Variants in PAIP2 observed in about 807,000 individuals in gnomAD.
The protein encoded by PAIP2 is polyadenylate-binding protein-interacting protein 2.
Under a neutral mutation model 14.8 loss-of-function variants are expected in PAIP2, and 7 were observed. The observed-to-expected ratio is 0.47, with a 90% confidence interval of 0.27 to 0.89. PAIP2 has a LOEUF of 0.89. Ranked by LOEUF, PAIP2 falls within the 40% of genes least tolerant of loss-of-function variation. The pLI, the probability that PAIP2 is intolerant of heterozygous loss-of-function variation, is 0.13. For synonymous variants in PAIP2, 47 were observed against 45.3 expected (o/e 1.04, Z -0.15); for missense variants, 122 against 154.7 (o/e 0.79, Z 1.12).
At chr5:139,346,906 T>C (rs1372483861) in intron 1 of PAIP2, among the ~76,000 whole-genome samples, 2 of 152,044 alleles carry the variant, frequency 1.3e-5, no homozygotes, top group Non-Finnish European at 2.9e-5. Context: ...GCCTCCCAGG[T>C]TCAAGCAGTG....
chr5:139,353,120 A>AG (rs1554153668), intron 1 of PAIP2, among the ~76,000 whole-genome samples: 3 of 151,968 alleles, frequency 2.0e-5, no homozygotes, highest in African/African-American at 7.2e-5. Flanking sequence ...AAAAAAAAAA[A>AG]AGTAACAGCT....
intron 1 of PAIP2, among the ~76,000 whole-genome samples, chr5:139,342,286 C>T (rs900993898): frequency 2.6e-5 from 4 of 152,068 alleles, no homozygotes; most frequent in Admixed American, 6.6e-5. Flanking sequence ...TTCTCCTGTT[C>T]CTCATTCTCC....
At chr5:139,344,395 C>A (rs1304360987) in intron 1 of PAIP2, among the ~76,000 whole-genome samples, 1 of 152,110 alleles carries the variant, frequency 6.6e-6, no homozygotes, top group Non-Finnish European at 1.5e-5. Context: ...TCTAGACCAC[C>A]TGTTGCACAG....
intron 1 of PAIP2, among the ~76,000 whole-genome samples, chr5:139,345,300 A>G (rs1756505340): frequency 6.6e-6 from 1 of 152,052 alleles, no homozygotes; most frequent in Non-Finnish European, 1.5e-5. Context: ...TGGCCTCCCA[A>G]AGTGCTGGGA....
At chr5:139,346,972 G>A (rs1031939633) in intron 1 of PAIP2, among the ~76,000 whole-genome samples, 3 of 152,006 alleles carry the variant, frequency 2.0e-5, no homozygotes, top group African/African-American at 7.2e-5. Context: ...ACCATGCCTG[G>A]CTTAGTTTTT....
intron 3 of PAIP2, among the ~76,000 whole-genome samples, chr5:139,368,167 T>C (rs865968198): frequency 2.7e-4 from 41 of 152,076 alleles, no homozygotes; most frequent in African/African-American, 8.0e-4. Context: ...AACCCCGTCT[T>C]TACTAAAAAT....
intron 2 of PAIP2, 100 bp downstream of exon 2, chr5:139,364,022 G>A: frequency 1.0e-6 from 1 of 993,354 alleles, no homozygotes; most frequent in Non-Finnish European, 1.5e-6. Flanking sequence ...TATGTATAAA[G>A]TATGTAGACT....
In PAIP2 at chr5:139,366,513, G is replaced by A. The variant is rs528861263; in HGVS notation, c.318+1770G>A. 5.3e-5 allele frequency among the ~76,000 whole-genome samples: 8 copies of A among 152,292 alleles called. No individual in the cohort carries two copies. In the East Asian group the frequency reaches 1.5e-3, roughly 29 times the overall value. On this transcript the variant is annotated intron_variant, in intron 3 of 3. Transcript: ENST00000265192. ...TACATTGTGGTATATAGCCTTTGTT[G>A]CAGTAAGTGATGGTAACCCATTTGA...
At chr5:139,344,260 G>A (rs1756470053) in intron 1 of PAIP2, among the ~76,000 whole-genome samples, 1 of 152,170 alleles carries the variant, frequency 6.6e-6, no homozygotes, top group South Asian at 2.1e-4. Context: ...CCATTATGTG[G>A]TGCTGTGTGA....
chr5:139,352,122 A>G (rs533752316), intron 1 of PAIP2, among the ~76,000 whole-genome samples: 3 of 152,118 alleles, frequency 2.0e-5, no homozygotes, highest in East Asian at 3.9e-4. Context: ...TCAAAATTTC[A>G]GATTTGGGAT....
chr5:139,343,559 T>G (rs1393723805), intron 1 of PAIP2, among the ~76,000 whole-genome samples: 10 of 152,194 alleles, frequency 6.6e-5, no homozygotes, highest in Admixed American at 6.5e-4. Flanking sequence ...GCACAGCAAT[T>G]TGGTTGATAC....
chr5:139,353,435 C>T (rs1383051564), intron 1 of PAIP2, among the ~76,000 whole-genome samples: 2 of 151,908 alleles, frequency 1.3e-5, no homozygotes, highest in South Asian at 4.2e-4. Flanking sequence ...GATGATATAC[C>T]CCAGCTGTTG....
chr5:139,348,636 C>T (rs1482235606), intron 1 of PAIP2, among the ~76,000 whole-genome samples: 2 of 151,546 alleles, frequency 1.3e-5, no homozygotes, highest in African/African-American at 4.9e-5. Context: ...GGATTACAGG[C>T]GTGAGCCACT....
intron 1 of PAIP2, among the ~76,000 whole-genome samples, chr5:139,359,302 A>G (rs1757004423): frequency 6.6e-6 from 1 of 151,858 alleles, no homozygotes; most frequent in Non-Finnish European, 1.5e-5. Flanking sequence ...ACACCCGGCT[A>G]ATTTTTTTTC....
chr5:139,368,754 A>C lies in PAIP2; in HGVS notation c.340A>C (p.Asn114His), dbSNP rs1043858566. The C allele has an allele frequency of 1.2e-6, 2 of 1,613,650 alleles. No homozygotes were observed. The highest frequency in any genetic ancestry group is 2.2e-5 in the East Asian group (1 of 44,866). ...DLVVKSNLNP[N>H]AKEFVPGVKY... ...CCAGGTCAAGAGCAATCTGAATCCAAATGCAAAGGAGTTTGTTCCTGGGGT... is the reference window on the plus strand; with the variant it reads ...CCAGGTCAAGAGCAATCTGAATCCACATGCAAAGGAGTTTGTTCCTGGGGT... The change falls in exon 4 of 4, where the codon AAT becomes CAT. Residue 114 changes from asparagine to histidine, a missense_variant. Physicochemically the swap from Asn to His is moderately conservative, Grantham distance 68 (BLOSUM62 1). Around this residue, in one of 3 missense-constraint regions of PAIP2, gnomAD observed 46 missense variants for 44.0 expected, o/e 1.05. Coordinates refer to ENST00000265192, the MANE Select transcript of PAIP2 (RefSeq NM_016480.5).
chr5:139,352,642 T>A (rs374584314), intron 1 of PAIP2, among the ~76,000 whole-genome samples: 1 of 151,166 alleles, frequency 6.6e-6, no homozygotes, highest in East Asian at 2.0e-4. Context: ...CGGCTACTTT[T>A]GTGTTTTTAG....
intron 1 of PAIP2, among the ~76,000 whole-genome samples, chr5:139,347,338 AT>A (rs1414267152): frequency 7.2e-6 from 1 of 138,190 alleles, no homozygotes; most frequent in Non-Finnish European, 1.5e-5. Context: ...CAGTGGCGCG[AT>A]CTTGGCTCAC....
chr5:139,357,095 A>C (rs1756939077), intron 1 of PAIP2, among the ~76,000 whole-genome samples: 1 of 151,848 alleles, frequency 6.6e-6, no homozygotes, highest in Non-Finnish European at 1.5e-5. Flanking sequence ...GATTTGACAG[A>C]TTTTTTTTAA....
At chr5:139,352,278 CTAGA>C (rs70982772) in intron 1 of PAIP2, among the ~76,000 whole-genome samples, 78,426 of 151,196 alleles carry the variant, frequency 0.52, 24,285 homozygotes, top group Non-Finnish European at 0.7. Context: ...TTAATGACTA[CTAGA>C]TACATTAAGC....
Sources: allele counts gnomAD v4.1 joint callset (sites outside exome capture counted in the v4.1 genomes callset), GRCh38; gene constraint gnomAD v4.1.1; regional missense constraint gnomAD v4.1.1; transcripts MANE v1.5; gene names NCBI Gene and HGNC (gene_info 2026-07-23, HGNC 2026-07-21).